Variants in TMEM132D observed in about 807,000 individuals in gnomAD.
The protein encoded by TMEM132D is mature OL transmembrane protein.
A neutral mutation model predicts 62.3 loss-of-function variants in TMEM132D; 21 were observed. The ratio of observed to expected loss-of-function variants is 0.34; its 90% confidence interval spans 0.24 to 0.49. The LOEUF (loss-of-function observed/expected upper bound fraction) is 0.49, where lower values mean the gene tolerates loss of function less well. TMEM132D is among the 20% of genes least tolerant of loss of function. TMEM132D has a pLI of 0.99. For missense variants in TMEM132D, 1,346 were observed against 1,402.8 expected, an observed-to-expected ratio of 0.96 and a Z score of 0.65; for synonymous variants, 621 against 575.6, an observed-to-expected ratio of 1.08 and a Z score of -1.13.
chr12:129,253,398 T>A (rs77739547), intron 4 of TMEM132D, among the ~76,000 whole-genome samples: 1 of 152,140 alleles, frequency 6.6e-6, no homozygotes, highest in African/African-American at 2.4e-5. Context: ...CTGAGCACTA[T>A]GAGCTCATTC....
chr12:129,819,286 G>A (rs894671373), intron 1 of TMEM132D, among the ~76,000 whole-genome samples: 8 of 152,150 alleles, frequency 5.3e-5, no homozygotes, highest in Admixed American at 4.6e-4. Flanking sequence ...ATTCATGAGA[G>A]GATCAAAAGG....
intron 5 of TMEM132D, among the ~76,000 whole-genome samples, chr12:129,165,241 A>C (rs1877509606): frequency 6.6e-6 from 1 of 152,146 alleles, no homozygotes. Flanking sequence ...AGCTGAAAGA[A>C]CTTTCTGCAG....
intron 2 of TMEM132D, among the ~76,000 whole-genome samples, chr12:129,606,965 GC>G (rs1878643172): frequency 1.3e-5 from 2 of 152,116 alleles, no homozygotes; most frequent in South Asian, 4.2e-4. Flanking sequence ...CATTTATTAT[GC>G]TTTTCTGCAA....
At chr12:129,266,924 G>A (rs1880712513) in intron 4 of TMEM132D, among the ~76,000 whole-genome samples, 2 of 152,008 alleles carry the variant, frequency 1.3e-5, no homozygotes, top group African/African-American at 4.8e-5. Context: ...GGACATCCCA[G>A]CCCCAGTCTG....
At chr12:129,084,748 A>T (rs1396471966) in intron 5 of TMEM132D, 46 bp from the exon 6 acceptor site, 1 of 1,582,608 alleles carries the variant, frequency 6.3e-7, no homozygotes, top group Non-Finnish European at 8.6e-7. Flanking sequence ...GTGAGCTTTC[A>T]TCCCGTTGCA....
chr12:129,753,925 C>G (rs1870080234), intron 1 of TMEM132D, among the ~76,000 whole-genome samples: 1 of 152,190 alleles, frequency 6.6e-6, no homozygotes, highest in Non-Finnish European at 1.5e-5. Flanking sequence ...TATTATTCCT[C>G]CACTAGAGCC....
chr12:129,627,814 T>C (rs1879259653), intron 2 of TMEM132D, among the ~76,000 whole-genome samples: 1 of 152,066 alleles, frequency 6.6e-6, no homozygotes, highest in Non-Finnish European at 1.5e-5. Flanking sequence ...TGGCAAAACC[T>C]GTCTCTACAG....
intron 3 of TMEM132D, among the ~76,000 whole-genome samples, chr12:129,352,125 T>G (rs1593347637): frequency 6.6e-6 from 1 of 152,130 alleles, no homozygotes; most frequent in South Asian, 2.1e-4. Flanking sequence ...TCCCAGGAAG[T>G]TGGGCATTCC....
rs142648098 is a variant in TMEM132D, at chr12:129,605,123, G to A, written c.969-73918C>T. Among the ~76,000 whole-genome samples the A allele has an allele frequency of 5.2e-3, 787 of 152,126 alleles. 12 individuals carry two copies. The highest frequency in any genetic ancestry group is 0.018 in the African/African-American group (745 of 41,496). On this transcript the variant is annotated intron_variant, in intron 2 of 8. Transcript: ENST00000422113. Reference sequence around the variant, plus strand: ...CCTTCGATTTGGCTCATTTTTAAATGTTCTCATCATTGTTCCGGTTTCAGA... The same window carrying A: ...CCTTCGATTTGGCTCATTTTTAAATATTCTCATCATTGTTCCGGTTTCAGA...
chr12:129,434,981 C>T (rs897159558), intron 3 of TMEM132D, among the ~76,000 whole-genome samples: 19 of 152,136 alleles, frequency 1.2e-4, no homozygotes, highest in African/African-American at 4.6e-4. Flanking sequence ...CAGTACCCTC[C>T]CTAGCCTCTG....
chr12:129,824,389 T>C (rs568775390), intron 1 of TMEM132D, among the ~76,000 whole-genome samples: 1 of 152,304 alleles, frequency 6.6e-6, no homozygotes, highest in East Asian at 1.9e-4. Flanking sequence ...TTTTAAGCTA[T>C]CAGCTTCTAA....
chr12:129,706,995 G>A (rs965475212), intron 1 of TMEM132D, among the ~76,000 whole-genome samples: 4 of 150,930 alleles, frequency 2.7e-5, no homozygotes, highest in Non-Finnish European at 4.4e-5. Flanking sequence ...ATTATTAAAC[G>A]AAATAAAATT....
chr12:129,265,937 T>C (rs1259707395), intron 4 of TMEM132D, among the ~76,000 whole-genome samples: 1 of 152,134 alleles, frequency 6.6e-6, no homozygotes, highest in African/African-American at 2.4e-5. Context: ...AAGTATAATA[T>C]AAGCACTGCA....
intron 4 of TMEM132D, among the ~76,000 whole-genome samples, chr12:129,281,276 G>A (rs936653439): frequency 6.6e-6 from 1 of 152,034 alleles, no homozygotes; most frequent in South Asian, 2.1e-4. Flanking sequence ...CCCCACTTCA[G>A]ATTTATAGTC....
chr12:129,289,752 C>T (rs1450398760), intron 4 of TMEM132D, among the ~76,000 whole-genome samples: 2 of 152,046 alleles, frequency 1.3e-5, no homozygotes, highest in African/African-American at 4.8e-5. Flanking sequence ...TAGCACCTTC[C>T]TGCAGTCCCA....
chr12:129,358,491 T>A (rs558136410), intron 3 of TMEM132D, among the ~76,000 whole-genome samples: 5 of 152,342 alleles, frequency 3.3e-5, no homozygotes, highest in African/African-American at 1.2e-4. Flanking sequence ...GTATTTATAC[T>A]ATGAAAATTG....
chr12:129,166,933 G>A (rs553386662), intron 5 of TMEM132D, among the ~76,000 whole-genome samples: 11 of 152,172 alleles, frequency 7.2e-5, no homozygotes, highest in African/African-American at 2.7e-4. Context: ...GGAGGCCGAG[G>A]AGGGCAGATC....
intron 1 of TMEM132D, among the ~76,000 whole-genome samples, chr12:129,727,463 C>CACTAA (rs1869077882): frequency 6.6e-6 from 1 of 152,172 alleles, no homozygotes; most frequent in Non-Finnish European, 1.5e-5. Flanking sequence ...ATCTAATCAC[C>CACTAA]TCTTAAAGGT....
At chr12:129,893,840 G>T (rs898387536) in intron 1 of TMEM132D, among the ~76,000 whole-genome samples, 7 of 152,198 alleles carry the variant, frequency 4.6e-5, no homozygotes, top group Non-Finnish European at 1.0e-4. Context: ...ACCTGGTCCT[G>T]CCTTGGGTCC....
Sources: allele counts gnomAD v4.1 joint callset (sites outside exome capture counted in the v4.1 genomes callset), GRCh38; gene constraint gnomAD v4.1.1; transcripts MANE v1.5; gene names NCBI Gene and HGNC (gene_info 2026-07-23, HGNC 2026-07-21).